LPCAT3: variants seen among roughly 807,000 people sequenced by gnomAD.
LPCAT3 encodes the protein lysophospholipid acyltransferase 5.
A neutral mutation model predicts 63.4 loss-of-function variants in LPCAT3; 21 were observed. The ratio of observed to expected loss-of-function variants is 0.33; its 90% CI spans 0.23 to 0.48. The LOEUF is 0.48. LPCAT3 is among the 20% of genes least tolerant of loss of function. LPCAT3 has a pLI of 0.99. For missense variants in LPCAT3, 451 were observed against 590.6 expected, an observed-to-expected ratio of 0.76 and a Z score of 2.45; for synonymous variants, 242 against 227.5, an observed-to-expected ratio of 1.06 and a Z score of -0.58.
chr12:6,988,932 G>A (rs1555155113), intron 1 of LPCAT3, among the ~76,000 whole-genome samples: 1 of 152,044 alleles, frequency 6.6e-6, no homozygotes, highest in African/African-American at 2.4e-5. Flanking sequence ...TTTGAGACTA[G>A]CCTCAACATG....
intron 9 of LPCAT3, 27 bp downstream of exon 9, chr12:6,978,314 G>T: frequency 1.9e-6 from 3 of 1,588,578 alleles, no homozygotes; most frequent in Non-Finnish European, 2.6e-6. Context: ...AAGGAACCAG[G>T]GTCCAGGCTC....
rs782036822 is a variant in LPCAT3 at position 6,981,869 on chromosome 12, G to A, written c.402C>T (p.Thr134=). Residue 134 remains threonine, a synonymous_variant, in exon 4 of 13, where the codon ACC becomes ACT. Coordinates refer to ENST00000261407, the MANE Select transcript of LPCAT3 (RefSeq NM_005768.6). ...YLLAGYYYTA[T]GNYDIKWTMP... The stretch of plus-strand genomic sequence containing the variant: ...TTGTCCACTTGATATCGTAGTTGCC[G>A]GTGGCAGTGTAATAGTATCCAGCCA... 3.7e-6 allele frequency: 6 copies of A among 1,613,578 alleles called. No individual in the cohort carries two copies. The highest frequency in any genetic ancestry group is 1.7e-5 in the Admixed American group (1 of 60,012).
chr12:7,018,454 C>A lies in LPCAT3; in HGVS notation c.-30G>T. 1 of 1,549,570 alleles carries A rather than the reference C, an allele frequency of 6.5e-7. No individual in the cohort carries two copies. The highest frequency in any genetic ancestry group is 1.2e-5 in the South Asian group (1 of 83,728). ...ACTCCGGGAGCCCCACAGGGACCCCCCAGCTCCGCGCGCCCCGAATGCGGG... is the reference window on the plus strand; with the variant it reads ...ACTCCGGGAGCCCCACAGGGACCCCACAGCTCCGCGCGCCCCGAATGCGGG... On this transcript the variant is annotated 5_prime_UTR_variant, in exon 1 of 13. Transcript: ENST00000261407. The surrounding 1 kb of genome is among the most constrained non-coding windows in gnomAD (Gnocchi z 4.9).
chr12:7,015,915 T>C (rs1946794846), intron 1 of LPCAT3, among the ~76,000 whole-genome samples: 1 of 152,156 alleles, frequency 6.6e-6, no homozygotes, highest in Admixed American at 6.5e-5. Flanking sequence ...ACAGGCAATA[T>C]GTGATTATGT....
Position 6,979,616 on chromosome 12 carries a change from G to A in LPCAT3, c.678-37C>T, listed in dbSNP as rs782687190. 6 of 1,401,056 alleles carry A rather than the reference G, an allele frequency of 4.3e-6. No homozygotes were observed. The Admixed American group carries it at 1.0e-4, about 24-fold the overall frequency. 86.8% of individuals were successfully genotyped at this position (1,401,056 alleles called of 1,614,324 possible). On this transcript the variant is annotated intron_variant, in intron 6 of 12. Coordinates refer to ENST00000261407, the MANE Select transcript of LPCAT3 (RefSeq NM_005768.6). ...CGAGTGAAGTTCCTGGTCACAGAGA[G>A]CAGAGACTATTCCCTTCACCCTCTG...
intron 1 of LPCAT3, among the ~76,000 whole-genome samples, chr12:7,003,033 A>G (rs1275596033): frequency 5.3e-5 from 8 of 152,160 alleles, no homozygotes; most frequent in African/African-American, 1.9e-4. Flanking sequence ...AAAATTTCTA[A>G]TATTTATGGA....
At chr12:7,007,539 G>A (rs1453878032) in intron 1 of LPCAT3, among the ~76,000 whole-genome samples, 1 of 127,018 alleles carries the variant, frequency 7.9e-6, no homozygotes, top group Non-Finnish European at 1.6e-5. Context: ...CTGTCCCCCA[G>A]GCTGGAGTGC....
At chr12:6,979,223 C>T (rs1056184535) in intron 7 of LPCAT3, 6 of 531,954 alleles carry the variant, frequency 1.1e-5, no homozygotes, top group Admixed American at 1.0e-4. Flanking sequence ...AAGCTAGGAG[C>T]GGCTCCTAGA....
At chr12:7,015,826 G>C (rs1331382626) in intron 1 of LPCAT3, among the ~76,000 whole-genome samples, 3 of 152,118 alleles carry the variant, frequency 2.0e-5, no homozygotes, top group African/African-American at 7.2e-5. Context: ...GAGAGAAGAG[G>C]AGTGGGATAT....
chr12:6,995,565 A>G (rs1946629451), intron 1 of LPCAT3, among the ~76,000 whole-genome samples: 1 of 151,690 alleles, frequency 6.6e-6, no homozygotes, highest in South Asian at 2.1e-4. Flanking sequence ...AGTCTCTCTC[A>G]CCATCACTGT....
At chr12:6,981,760 G>C in intron 4 of LPCAT3, 51 bp downstream of exon 4, 1 of 1,514,048 alleles carries the variant, frequency 6.6e-7, no homozygotes, top group Non-Finnish European at 9.2e-7. Flanking sequence ...TTTTTAGTGA[G>C]ATGGGGGAGG....
At chr12:6,990,880 G>A (rs1308410457) in intron 1 of LPCAT3, among the ~76,000 whole-genome samples, 3 of 142,226 alleles carry the variant, frequency 2.1e-5, no homozygotes, top group Non-Finnish European at 4.5e-5. Flanking sequence ...TCACGCCACT[G>A]TGCTCCAGAC....
Position 6,978,640 on chromosome 12 carries a change from A to T in LPCAT3, c.836T>A (p.Phe279Tyr). ...RCMYMLIWGK[F>Y]VLYKYVTCWL... ...ACAGGTGACATATTTGTACAGCACA[A>T]ACTTGCCCCAGATCAGCATGTACAT... Residue 279 changes from phenylalanine (F) to tyrosine (Y), a missense_variant, in exon 8 of 13, where the codon TTT becomes TAT. Phe to Tyr is a conservative substitution (Grantham distance 22, BLOSUM62 3). This residue lies in a region of LPCAT3 where 304 missense variants were observed against 390.8 expected (regional missense o/e 0.78). Transcript: ENST00000261407. 1 of 1,614,194 alleles carries T rather than the reference A, an allele frequency of 6.2e-7. No individual in the cohort carries two copies. The highest frequency in any genetic ancestry group is 1.1e-5 in the South Asian group (1 of 91,080).
At chr12:7,004,929 T>C (rs951825032) in intron 1 of LPCAT3, among the ~76,000 whole-genome samples, 7 of 152,222 alleles carry the variant, frequency 4.6e-5, no homozygotes, top group Non-Finnish European at 8.8e-5. Flanking sequence ...TTTTCTTTGA[T>C]CATGCATAGT....
chr12:6,976,929 C>T, intron 12 of LPCAT3, 38 bp from the exon 13 acceptor site: 3 of 523,092 alleles, frequency 5.7e-6, no homozygotes, highest in South Asian at 2.3e-5. Flanking sequence ...TGGTTAGTTA[C>T]TCCTGTAATT....
chr12:6,978,172 G>T, intron 9 of LPCAT3, 169 bp downstream of exon 9: 2 of 767,724 alleles, frequency 2.6e-6, no homozygotes, highest in Non-Finnish European at 4.2e-6. Flanking sequence ...GACAGTAATG[G>T]TTTTTTTGGG....
At chr12:7,001,583 C>A in intron 1 of LPCAT3, 1 of 449,576 alleles carries the variant, frequency 2.2e-6, no homozygotes, top group Non-Finnish European at 4.5e-6. Flanking sequence ...GGCTGTGAGG[C>A]TGAGGCAGGC....
At chr12:6,985,380 A>G (rs1565599630) in intron 1 of LPCAT3, among the ~76,000 whole-genome samples, 1 of 151,856 alleles carries the variant, frequency 6.6e-6, no homozygotes. Flanking sequence ...TGGGCGACAG[A>G]GCGAGATTCC....
At chr12:7,008,520 G>A (rs782084396) in intron 1 of LPCAT3, among the ~76,000 whole-genome samples, 4 of 152,126 alleles carry the variant, frequency 2.6e-5, no homozygotes, top group Non-Finnish European at 4.4e-5. Context: ...GATCAATCAG[G>A]AGAATGCTAT....
Sources: allele counts gnomAD v4.1 joint callset (sites outside exome capture counted in the v4.1 genomes callset), GRCh38; gene constraint gnomAD v4.1.1; regional missense constraint gnomAD v4.1.1; non-coding constraint Gnocchi (gnomAD v3.1); transcripts MANE v1.5; gene names NCBI Gene and HGNC (gene_info 2026-07-23, HGNC 2026-07-21).